The following THBS4 variants were observed in gnomAD, a reference collection of about 807,000 sequenced individuals.
The protein encoded by THBS4 is thrombospondin-4.
A neutral mutation model predicts 115.7 loss-of-function variants in THBS4; 90 were observed. That is an observed-to-expected ratio of 0.78 (90% CI 0.66 to 0.93). THBS4 has a LOEUF of 0.93. Ranked by LOEUF, THBS4 falls within the 40% of genes least tolerant of loss-of-function variation. The pLI is 0.00. For synonymous variants in THBS4, 460 were observed against 479.3 expected, an observed-to-expected ratio of 0.96 and a Z score of 0.53; for missense variants, 1,087 against 1,232.7, an observed-to-expected ratio of 0.88 and a Z score of 1.77.
intron 19 of THBS4, 46 bp from the exon 20 acceptor site, chr5:80,079,859 T>C: frequency 6.3e-7 from 1 of 1,583,470 alleles, no homozygotes; most frequent in East Asian, 2.2e-5. Context: ...GCAGGAAGGG[T>C]GGTGCCTGTG....
chr5:80,027,855 C>T (rs889677688), intron 2 of THBS4, among the ~76,000 whole-genome samples: 15 of 141,080 alleles, frequency 1.1e-4, no homozygotes, highest in African/African-American at 3.8e-4. Context: ...GGTCGTGCCA[C>T]TGCACTCCAG....
chr5:80,060,332 T>G (rs1208794839), intron 7 of THBS4, among the ~76,000 whole-genome samples: 6 of 152,296 alleles, frequency 3.9e-5, no homozygotes, highest in Admixed American at 3.9e-4. Flanking sequence ...GAGGGGAATC[T>G]CACACCAACA....
chr5:80,000,778 T>C (rs1193598897), intron 2 of THBS4, among the ~76,000 whole-genome samples: 1 of 152,020 alleles, frequency 6.6e-6, no homozygotes, highest in Non-Finnish European at 1.5e-5. Context: ...AGTGTAAATA[T>C]CCAGGAGAGA....
intron 2 of THBS4, among the ~76,000 whole-genome samples, chr5:80,054,625 A>G (rs1469010065): frequency 6.6e-6 from 1 of 151,720 alleles, no homozygotes; most frequent in Non-Finnish European, 1.5e-5. Flanking sequence ...AGCCTGGCCA[A>G]TTTTTTTAAA....
Position 80,059,725 on chromosome 5 carries a change from G to T in THBS4, c.807G>T (p.Pro269=). ...TAGGTCCTCTCAAGTTTCAGTCTCCGACCCCAAGCACGGTGGTGCCCCCGG... is the reference window on the plus strand; with the variant it reads ...TAGGTCCTCTCAAGTTTCAGTCTCCTACCCCAAGCACGGTGGTGCCCCCGG... ...QACGPLKFQS[P]TPSTVVPPAP... is the part of the protein sequence containing the mutation. The change falls in exon 7 of 22, where the codon CCG becomes CCT. Residue 269 remains proline, a synonymous_variant. Transcript: ENST00000350881. The T allele has an allele frequency of 6.2e-7, 1 of 1,614,100 alleles. No individual in the cohort carries two copies. Among genetic ancestry groups the T allele is most frequent in the Non-Finnish European group, 8.5e-7 (1 of 1,180,010 alleles).
chr5:79,991,361 A>T, exon 1 of THBS4: 1 of 813,760 alleles, frequency 1.2e-6, no homozygotes, highest in Non-Finnish European at 1.9e-6. Flanking sequence ...GATGAGAGAA[A>T]CAACGACTGG....
At chr5:80,051,114 A>G (rs190209434) in intron 2 of THBS4, among the ~76,000 whole-genome samples, 1 of 152,218 alleles carries the variant, frequency 6.6e-6, no homozygotes, top group East Asian at 1.9e-4. Flanking sequence ...CAAGATGAGC[A>G]CCGGGAAAGG....
chr5:80,025,282 A>ATGCATGAATATGAGTACATGAATATG (rs1180371600), intron 2 of THBS4, among the ~76,000 whole-genome samples: 1 of 152,212 alleles, frequency 6.6e-6, no homozygotes, highest in African/African-American at 2.4e-5. Flanking sequence ...ATATGAGTAC[A>ATGCATGAATATGAGTACATGAATATG]AGGACATATG....
At chr5:80,080,438 T>C (rs1480423073) in intron 20 of THBS4, among the ~76,000 whole-genome samples, 1 of 151,972 alleles carries the variant, frequency 6.6e-6, no homozygotes, top group Non-Finnish European at 1.5e-5. Flanking sequence ...GCAGGGTCTC[T>C]TCTCCACACC....
At chr5:80,066,437 A>G (rs1833827409) in intron 9 of THBS4, 1 of 152,174 alleles carries the variant, frequency 6.6e-6, no homozygotes, top group Admixed American at 6.6e-5. Flanking sequence ...AAACTGAGGG[A>G]CAGAAATATT....
rs1359236163 is a variant in THBS4 at position 80,078,911 on chromosome 5, C to G, written c.2266-10C>G. On this transcript the variant is annotated splice_polypyrimidine_tract_variant and intron_variant, in intron 17 of 21. Coordinates refer to ENST00000350881, the MANE Select transcript of THBS4 (RefSeq NM_003248.6). ...AAGACTGTTCTGAACTCCCTCAACT[C>G]TCTCTGCAGGGCATGGAGATTGTAC... The G allele has an allele frequency of 7.4e-6, 12 of 1,613,386 alleles. No individual in the cohort carries two copies. In the Admixed American group the frequency reaches 1.5e-4, roughly 20 times the overall value.
intron 2 of THBS4, among the ~76,000 whole-genome samples, chr5:80,011,259 C>T (rs1438517523): frequency 6.6e-6 from 1 of 152,092 alleles, no homozygotes; most frequent in Admixed American, 6.6e-5. Context: ...GTCCATTAAA[C>T]GTCTTTCTTT....
At chr5:80,008,370 A>G (rs999098329) in intron 2 of THBS4, among the ~76,000 whole-genome samples, 8 of 152,154 alleles carry the variant, frequency 5.3e-5, no homozygotes, top group African/African-American at 1.9e-4. Flanking sequence ...ATTTTTTCTT[A>G]TAAGTAAAAA....
intron 2 of THBS4, among the ~76,000 whole-genome samples, chr5:80,017,435 C>G (rs572233580): frequency 6.6e-6 from 1 of 152,146 alleles, no homozygotes; most frequent in South Asian, 2.1e-4. Context: ...CATCCTCTGT[C>G]TATTCATTTG....
chr5:80,071,527 C>G (rs1475004341), intron 13 of THBS4, among the ~76,000 whole-genome samples: 4 of 152,058 alleles, frequency 2.6e-5, no homozygotes. Context: ...TGTGAGAGAC[C>G]CAGAAGTGGA....
intron 2 of THBS4, among the ~76,000 whole-genome samples, chr5:80,042,503 A>G (rs1003522498): frequency 9.2e-5 from 14 of 152,340 alleles, no homozygotes; most frequent in Admixed American, 3.3e-4. Context: ...AGTATGTGTG[A>G]GCCCATTGTG....
chr5:80,005,916 G>A (rs1389694073), intron 2 of THBS4, among the ~76,000 whole-genome samples: 5 of 151,692 alleles, frequency 3.3e-5, no homozygotes, highest in Non-Finnish European at 1.5e-5. Context: ...ACAGGTGTGC[G>A]CCATCATGCC....
chr5:79,993,001 T>G (rs1008775771), intron 1 of THBS4, among the ~76,000 whole-genome samples: 3 of 152,228 alleles, frequency 2.0e-5, no homozygotes, highest in Non-Finnish European at 4.4e-5. Flanking sequence ...GTCCATATAC[T>G]ACATTCAGGC....
chr5:80,069,172 C>T (rs1340331499), intron 10 of THBS4, among the ~76,000 whole-genome samples: 5 of 152,218 alleles, frequency 3.3e-5, no homozygotes, highest in African/African-American at 9.6e-5. Flanking sequence ...GATGGATTCT[C>T]GGAGCCCTTT....
Sources: allele counts gnomAD v4.1 joint callset (sites outside exome capture counted in the v4.1 genomes callset), GRCh38; gene constraint gnomAD v4.1.1; transcripts MANE v1.5; gene names NCBI Gene and HGNC (gene_info 2026-07-23, HGNC 2026-07-21).